The following KCNJ6 variants were observed in gnomAD, a reference collection of about 807,000 sequenced individuals.
KCNJ6 encodes G protein-activated inward rectifier potassium channel 2.
Under a neutral mutation model 34.2 loss-of-function variants are expected in KCNJ6, and 9 were observed. The ratio of observed to expected loss-of-function variants is 0.26; its 90% CI spans 0.16 to 0.46. KCNJ6 has a LOEUF of 0.46. Ranked by LOEUF, KCNJ6 falls within the 20% of genes least tolerant of loss-of-function variation. The pLI, the probability that KCNJ6 is intolerant of heterozygous loss-of-function variation, is 1.00. For synonymous variants in KCNJ6, 196 were observed against 207.1 expected (o/e 0.95, Z 0.46); for missense variants, 236 against 531.3 (o/e 0.44, Z 5.46).
At chr21:37,895,377 T>C (rs941406753) in intron 1 of KCNJ6, among the ~76,000 whole-genome samples, 6 of 152,220 alleles carry the variant, frequency 3.9e-5, no homozygotes, top group African/African-American at 1.4e-4. Context: ...GTAGCACCTT[T>C]GGAGGTGTCT....
At chr21:37,873,848 C>T (rs74690199) in intron 1 of KCNJ6, among the ~76,000 whole-genome samples, 103 of 152,080 alleles carry the variant, frequency 6.8e-4, no homozygotes, top group Non-Finnish European at 1.1e-3. Context: ...TACCTTTTAT[C>T]CCTCCCTTTT....
intron 3 of KCNJ6, among the ~76,000 whole-genome samples, chr21:37,667,678 C>T (rs867493988): frequency 6.6e-6 from 1 of 151,648 alleles, no homozygotes; most frequent in African/African-American, 2.4e-5. Flanking sequence ...TCCGGGGTAG[C>T]GGGCTCCGGG....
chr21:37,831,705 C>T (rs1335056782), intron 2 of KCNJ6, among the ~76,000 whole-genome samples: 1 of 152,162 alleles, frequency 6.6e-6, no homozygotes, highest in Non-Finnish European at 1.5e-5. Flanking sequence ...GCACCTGCCT[C>T]CAGTCCTGTA....
At chr21:37,704,047 T>G (rs917311194) in intron 3 of KCNJ6, among the ~76,000 whole-genome samples, 2 of 152,234 alleles carry the variant, frequency 1.3e-5, no homozygotes, top group East Asian at 3.9e-4. Context: ...CCATCTGTTG[T>G]TGGCTTAACA....
At chr21:37,840,319 A>G (rs2055474053) in intron 2 of KCNJ6, among the ~76,000 whole-genome samples, 1 of 152,072 alleles carries the variant, frequency 6.6e-6, no homozygotes, top group East Asian at 1.9e-4. Context: ...AGATGCCCAG[A>G]AAAAACTTCA....
intron 2 of KCNJ6, among the ~76,000 whole-genome samples, chr21:37,731,417 T>C (rs1232048804): frequency 6.6e-6 from 1 of 152,160 alleles, no homozygotes; most frequent in Non-Finnish European, 1.5e-5. Context: ...AAATCATAAG[T>C]TGGGAAGGGG....
intron 2 of KCNJ6, among the ~76,000 whole-genome samples, chr21:37,771,347 A>G (rs1413429265): frequency 4.6e-5 from 7 of 152,310 alleles, no homozygotes; most frequent in Admixed American, 4.6e-4. Flanking sequence ...CTTCTCTGAG[A>G]TAAGAAGAGA....
At chr21:37,680,282 G>T (rs2898334) in intron 3 of KCNJ6, among the ~76,000 whole-genome samples, 25,392 of 152,162 alleles carry the variant, frequency 0.17, 2,276 homozygotes, top group East Asian at 0.39. Context: ...AATTCAGAGT[G>T]AAATGTTGGG....
In KCNJ6 at chr21:37,617,136, T is replaced by TTTCC. The variant is rs60006502; in HGVS notation, c.*8019_*8022dup. On this transcript the variant is annotated 3_prime_UTR_variant, in exon 4 of 4. Coordinates refer to ENST00000609713, the MANE Select transcript of KCNJ6 (RefSeq NM_002240.5). Reference sequence around the variant, plus strand: ...TCCTTCTTCCTTCCTTCCTTCTTTCTTTCCTTCCTTCCTTCCTTCTTTCTT... The same window carrying TTTCC: ...TCCTTCTTCCTTCCTTCCTTCTTTCTTTCCTTCCTTCCTTCCTTCCTTCTTTCTT... 0.49 allele frequency: 61,216 copies of TTTCC among 125,222 alleles called. 16,587 individuals are homozygous for TTTCC. Among genetic ancestry groups the TTTCC allele is most frequent in the African/African-American group, 0.58 (18,282 of 31,406 alleles). 7.8% of individuals were successfully genotyped at this position (125,222 alleles called of 1,614,324 possible). A position where few individuals can be genotyped will look rare whatever the true frequency, so the allele number is the denominator to read the frequency against.
intron 2 of KCNJ6, among the ~76,000 whole-genome samples, chr21:37,791,625 G>T (rs952177956): frequency 1.3e-5 from 2 of 152,218 alleles, no homozygotes; most frequent in Non-Finnish European, 2.9e-5. Flanking sequence ...GACCATAGCT[G>T]TCTGATATTT....
At chr21:37,855,724 C>T (rs1344491797) in intron 1 of KCNJ6, among the ~76,000 whole-genome samples, 1 of 152,192 alleles carries the variant, frequency 6.6e-6, no homozygotes, top group African/African-American at 2.4e-5. Context: ...ATCCTTTTAG[C>T]ACTGCCGAGC....
chr21:37,706,881 G>A (rs2054722551), intron 3 of KCNJ6, among the ~76,000 whole-genome samples: 1 of 152,212 alleles, frequency 6.6e-6, no homozygotes, highest in African/African-American at 2.4e-5. Flanking sequence ...GAAAAATCTA[G>A]GAGAGGAAAT....
chr21:37,766,585 G>A (rs534115095), intron 2 of KCNJ6, among the ~76,000 whole-genome samples: 291 of 152,326 alleles, frequency 1.9e-3, no homozygotes, highest in Non-Finnish European at 3.2e-3. Context: ...GGGACACTCT[G>A]ATGGGACCCC....
At chr21:37,816,234 G>A (rs143252813) in intron 2 of KCNJ6, among the ~76,000 whole-genome samples, 16 of 152,322 alleles carry the variant, frequency 1.1e-4, no homozygotes, top group Non-Finnish European at 1.8e-4. Context: ...GGTAGGTGCT[G>A]CAGGGACCAA....
chr21:37,687,520 T>C (rs2054621077), intron 3 of KCNJ6, among the ~76,000 whole-genome samples: 1 of 152,200 alleles, frequency 6.6e-6, no homozygotes. Context: ...GTAGAAACAT[T>C]GGCTTTTCTC....
chr21:37,906,040 G>C (rs2055839927), intron 1 of KCNJ6, among the ~76,000 whole-genome samples: 2 of 152,184 alleles, frequency 1.3e-5, no homozygotes, highest in East Asian at 3.8e-4. Context: ...CTTATTCACT[G>C]ATAGCATCTT....
At chr21:37,650,425 A>G (rs2054427789) in intron 3 of KCNJ6, among the ~76,000 whole-genome samples, 1 of 152,188 alleles carries the variant, frequency 6.6e-6, no homozygotes. Flanking sequence ...TGTCAGGTGC[A>G]CATATGGTAG....
intron 3 of KCNJ6, among the ~76,000 whole-genome samples, chr21:37,649,132 C>CAAAAAAAAAAAAAAAAAA (rs1169306298): frequency 2.0e-4 from 8 of 39,980 alleles, no homozygotes; most frequent in African/African-American, 3.4e-4. Context: ...GACTCCATCT[C>CAAAAAAAAAAAAAAAAAA]AAAAAAAAAA....
chr21:37,830,592 G>A (rs1001882667), intron 2 of KCNJ6, among the ~76,000 whole-genome samples: 2 of 152,120 alleles, frequency 1.3e-5, no homozygotes, highest in South Asian at 2.1e-4. Flanking sequence ...TGGTGGCCAC[G>A]CTGAGAAAGC....
Sources: allele counts gnomAD v4.1 joint callset (sites outside exome capture counted in the v4.1 genomes callset), GRCh38; gene constraint gnomAD v4.1.1; transcripts MANE v1.5; gene names NCBI Gene and HGNC (gene_info 2026-07-23, HGNC 2026-07-21).